The following NKAIN3 variants were observed in gnomAD, a reference collection of about 807,000 sequenced individuals.
NKAIN3 encodes sodium/potassium-transporting ATPase subunit beta-1-interacting protein 3.
In NKAIN3, 25 loss-of-function variants were observed where a neutral mutation model predicts 30.2. That is an observed-to-expected ratio of 0.83 (90% CI 0.60 to 1.16). The LOEUF is 1.16. Ranked by LOEUF, NKAIN3 falls within the 50% of genes most tolerant of loss-of-function variation. The pLI is 0.00. For synonymous variants in NKAIN3, 91 were observed against 89.6 expected, an observed-to-expected ratio of 1.02 and a Z score of -0.09; for missense variants, 225 against 254.1, an observed-to-expected ratio of 0.89 and a Z score of 0.78.
intron 1 of NKAIN3, among the ~76,000 whole-genome samples, chr8:62,548,481 T>A (rs1248918501): frequency 6.6e-6 from 1 of 152,112 alleles, no homozygotes; most frequent in Non-Finnish European, 1.5e-5. Context: ...CGGGGGTCAT[T>A]ACGCTGCACT....
At chr8:62,554,357 A>C (rs1274122223) in intron 1 of NKAIN3, among the ~76,000 whole-genome samples, 2 of 152,160 alleles carry the variant, frequency 1.3e-5, no homozygotes, top group Admixed American at 6.5e-5. Context: ...CTAAAGGAAT[A>C]CTCAAGCTAG....
chr8:62,922,877 C>T (rs1045220802), intron 5 of NKAIN3, among the ~76,000 whole-genome samples: 7 of 151,978 alleles, frequency 4.6e-5, no homozygotes, highest in Admixed American at 3.3e-4. Context: ...GATGGCTCTG[C>T]CAAATAGCTA....
chr8:62,656,634 T>G (rs1476102905), intron 3 of NKAIN3, among the ~76,000 whole-genome samples: 1 of 152,142 alleles, frequency 6.6e-6, no homozygotes, highest in Non-Finnish European at 1.5e-5. Flanking sequence ...AAAACATACA[T>G]TATTTTAGGT....
chr8:62,770,375 A>G (rs966158946), intron 4 of NKAIN3, among the ~76,000 whole-genome samples: 4 of 152,210 alleles, frequency 2.6e-5, no homozygotes, highest in African/African-American at 9.7e-5. Flanking sequence ...ATAATAGAAT[A>G]CTACAGACTG....
chr8:62,411,055 G>A (rs1177341894), intron 1 of NKAIN3, among the ~76,000 whole-genome samples: 2 of 152,084 alleles, frequency 1.3e-5, no homozygotes, highest in Non-Finnish European at 2.9e-5. Context: ...GCTAGCATCA[G>A]CCTAACACCA....
At chr8:62,405,015 G>T (rs543436334) in intron 1 of NKAIN3, among the ~76,000 whole-genome samples, 368 of 152,238 alleles carry the variant, frequency 2.4e-3, no homozygotes, top group Non-Finnish European at 4.1e-3. Context: ...AAGGAAGAGG[G>T]TTTCCTCCCA....
intron 4 of NKAIN3, among the ~76,000 whole-genome samples, chr8:62,876,221 A>G (rs982116990): frequency 1.3e-5 from 2 of 152,260 alleles, no homozygotes; most frequent in African/African-American, 2.4e-5. Context: ...ACACATAAAA[A>G]AAGTTCAACA....
intron 1 of NKAIN3, among the ~76,000 whole-genome samples, chr8:62,496,371 A>T (rs1233585656): frequency 6.6e-6 from 1 of 152,088 alleles, no homozygotes. Context: ...TCTAGTCTCC[A>T]CCTTTAGTCT....
Position 62,801,679 on chromosome 8 carries a change from C to A in NKAIN3, c.471+54550C>A, listed in dbSNP as rs570084049. ...CCACAAAGATGGGGAAAAAACAGAG[C>A]AGAAAAACTGGGAACTCTAAAGAGC... On this transcript the variant is annotated intron_variant, in intron 4 of 6. Coordinates refer to ENST00000623646, the MANE Select transcript of NKAIN3 (RefSeq NM_001304533.3). Among the ~76,000 whole-genome samples, 10 of 152,290 alleles carry A rather than the reference C, an allele frequency of 6.6e-5. No homozygotes were observed. In the East Asian group the frequency reaches 1.7e-3, roughly 26 times the overall value.
intron 4 of NKAIN3, among the ~76,000 whole-genome samples, chr8:62,823,842 G>A (rs987247296): frequency 3.3e-5 from 5 of 152,044 alleles, no homozygotes; most frequent in East Asian, 1.9e-4. Context: ...AACCTTATTC[G>A]CTATAGTATC....
chr8:62,808,810 G>A (rs146030181), intron 4 of NKAIN3, among the ~76,000 whole-genome samples: 1,937 of 152,202 alleles, frequency 0.013, 35 homozygotes, highest in African/African-American at 0.042. Context: ...GTCCCACTGG[G>A]CATGCATTGT....
intron 1 of NKAIN3, among the ~76,000 whole-genome samples, chr8:62,331,056 C>T (rs1033792307): frequency 7.2e-6 from 1 of 139,640 alleles, no homozygotes; most frequent in Non-Finnish European, 1.6e-5. Context: ...TCTTCTACCT[C>T]CTCCTCCTCT....
chr8:62,336,205 G>T (rs561154971), intron 1 of NKAIN3, among the ~76,000 whole-genome samples: 5 of 152,098 alleles, frequency 3.3e-5, no homozygotes, highest in African/African-American at 1.2e-4. Context: ...GCATGTTCTG[G>T]TCCTTTTTTC....
intron 1 of NKAIN3, among the ~76,000 whole-genome samples, chr8:62,414,401 G>A (rs191768477): frequency 5.4e-5 from 8 of 148,140 alleles, no homozygotes; most frequent in Admixed American, 4.7e-4. Flanking sequence ...TGAGGAATGG[G>A]AAGTGTGGAA....
At chr8:62,740,190 C>A (rs373160018) in intron 3 of NKAIN3, among the ~76,000 whole-genome samples, 1 of 152,106 alleles carries the variant, frequency 6.6e-6, no homozygotes, top group East Asian at 1.9e-4. Context: ...GACATTTGCC[C>A]TAACTATTCT....
At chr8:62,708,090 A>G (rs1312147193) in intron 3 of NKAIN3, among the ~76,000 whole-genome samples, 1 of 152,004 alleles carries the variant, frequency 6.6e-6, no homozygotes, top group Admixed American at 6.6e-5. Flanking sequence ...CTATGTGCCT[A>G]TTTTTATACT....
chr8:62,734,090 T>G (rs1448372287), intron 3 of NKAIN3, among the ~76,000 whole-genome samples: 2 of 152,142 alleles, frequency 1.3e-5, no homozygotes, highest in African/African-American at 2.4e-5. Flanking sequence ...AAGACCTACC[T>G]GGGTGATATA....
chr8:62,957,477 A>G (rs563777068), intron 6 of NKAIN3, among the ~76,000 whole-genome samples: 35 of 152,292 alleles, frequency 2.3e-4, no homozygotes, highest in African/African-American at 8.4e-4. Flanking sequence ...ATAAAGAACA[A>G]AGATGTCCTC....
rs150752664 is a variant in NKAIN3 at position 62,829,742 on chromosome 8, T to TA, written c.471+82613_471+82614insA. 9.5e-4 allele frequency among the ~76,000 whole-genome samples: 143 copies of TA among 150,386 alleles called. 1 individual carries two copies. The highest frequency in any genetic ancestry group is 1.7e-3 in the Non-Finnish European group (114 of 67,544). ...GTTGTTTGTTAACTAGATAGATAGATGATAGATAGATAGATAGATAGATAG... is the reference window on the plus strand; with the variant it reads ...GTTGTTTGTTAACTAGATAGATAGATAGATAGATAGATAGATAGATAGATAG... On this transcript the variant is annotated intron_variant, in intron 4 of 6. Coordinates refer to ENST00000623646, the MANE Select transcript of NKAIN3 (RefSeq NM_001304533.3).
Sources: allele counts gnomAD v4.1 joint callset (sites outside exome capture counted in the v4.1 genomes callset), GRCh38; gene constraint gnomAD v4.1.1; transcripts MANE v1.5; gene names NCBI Gene and HGNC (gene_info 2026-07-23, HGNC 2026-07-21).